TNR: variants seen among roughly 807,000 people sequenced by gnomAD.
TNR encodes tenascin-R.
TNR carries 45 observed loss-of-function variants against 150.4 expected under a neutral mutation model. The observed-to-expected ratio is 0.30, with a 90% CI of 0.24 to 0.38. The LOEUF is 0.38. TNR is among the 10% of genes least tolerant of loss of function. TNR has a pLI of 1.00. For missense variants in TNR, 1,544 were observed against 1,759.1 expected (o/e 0.88, Z 2.19); for synonymous variants, 687 against 678.4 (o/e 1.01, Z -0.20).
chr1:175,612,039 A>T (rs1663616409), intron 1 of TNR, among the ~76,000 whole-genome samples: 2 of 152,118 alleles, frequency 1.3e-5, no homozygotes, highest in African/African-American at 2.4e-5. Context: ...ACTGGAATAT[A>T]AGGATTTTAA....
intron 1 of TNR, among the ~76,000 whole-genome samples, chr1:175,656,837 G>T (rs1402732136): frequency 2.6e-5 from 4 of 152,002 alleles, no homozygotes; most frequent in African/African-American, 7.3e-5. Context: ...TTGTGTGTGT[G>T]GTGTGTGCAT....
intron 2 of TNR, among the ~76,000 whole-genome samples, chr1:175,410,870 GT>G (rs1654182047): frequency 6.6e-6 from 1 of 152,138 alleles, no homozygotes; most frequent in Non-Finnish European, 1.5e-5. Flanking sequence ...TAATCTTTTG[GT>G]GTTTGAAGCC....
intron 1 of TNR, among the ~76,000 whole-genome samples, chr1:175,559,296 A>G (rs978923818): frequency 1.3e-5 from 2 of 152,220 alleles, no homozygotes; most frequent in African/African-American, 4.8e-5. Context: ...TGTTAATTTT[A>G]TGCCATGTGA....
intron 2 of TNR, among the ~76,000 whole-genome samples, chr1:175,482,285 G>GCATTCTTT (rs1657844162): frequency 6.6e-6 from 1 of 152,172 alleles, no homozygotes. Flanking sequence ...TATGTCACAT[G>GCATTCTTT]GATACAGGAA....
At position 175,589,828 on chromosome 1, in the gene TNR, C is replaced by A. The variant is rs200141606; in HGVS notation, c.-164-61459G>T. On this transcript the variant is annotated intron_variant, in intron 1 of 22. Coordinates refer to ENST00000367674, the MANE Select transcript of TNR (RefSeq NM_003285.3). Reference sequence around the variant, plus strand: ...CACATGGACACAGGAAAGGGAACATCACACACCGGGGCCTGTCAGGGGGTT... The same window carrying A: ...CACATGGACACAGGAAAGGGAACATAACACACCGGGGCCTGTCAGGGGGTT... 7.2e-5 allele frequency among the ~76,000 whole-genome samples: 11 copies of A among 152,140 alleles called. No homozygotes were observed. In the East Asian group the frequency reaches 1.5e-3, roughly 21 times the overall value.
chr1:175,707,370 T>C (rs1443953922), intron 1 of TNR, among the ~76,000 whole-genome samples: 1 of 152,238 alleles, frequency 6.6e-6, no homozygotes, highest in Non-Finnish European at 1.5e-5. Context: ...TACTACAAAC[T>C]TCCATTTTTC....
rs145497047 is a variant in TNR at position 175,621,190 on chromosome 1, G to A, written c.-164-92821C>T. Among the ~76,000 whole-genome samples, 2 of 152,288 alleles carry A rather than the reference G, an allele frequency of 1.3e-5. 1 individual carries two copies. The highest frequency in any genetic ancestry group is 2.9e-5 in the Non-Finnish European group (2 of 68,022). ...TCAACATGTATTGTGACCAACTGAT[G>A]GGCATGATGTACTGTAATAGGACCC... On this transcript the variant is annotated intron_variant, in intron 1 of 22. Transcript: ENST00000367674.
chr1:175,695,985 T>TGTGGATGG (rs1553254673), intron 1 of TNR, among the ~76,000 whole-genome samples: 6 of 148,844 alleles, frequency 4.0e-5, no homozygotes, highest in African/African-American at 1.3e-4. Flanking sequence ...CAGATGGATA[T>TGTGGATGG]ATGGATGGAT....
At chr1:175,692,853 T>C (rs1666411573) in intron 1 of TNR, among the ~76,000 whole-genome samples, 1 of 152,144 alleles carries the variant, frequency 6.6e-6, no homozygotes, top group Non-Finnish European at 1.5e-5. Context: ...TGTGAACTGG[T>C]GAGGACGTAT....
chr1:175,664,313 C>T (rs1040505782), intron 1 of TNR, among the ~76,000 whole-genome samples: 8 of 152,184 alleles, frequency 5.3e-5, no homozygotes, highest in Non-Finnish European at 1.0e-4. Context: ...TCAGAAGGGG[C>T]AGAGTGGTAG....
chr1:175,633,115 C>T (rs1297930837), intron 1 of TNR, among the ~76,000 whole-genome samples: 4 of 152,198 alleles, frequency 2.6e-5, no homozygotes, highest in Non-Finnish European at 5.9e-5. Flanking sequence ...CCTGGCTCAA[C>T]TCCCCAAACT....
intron 1 of TNR, among the ~76,000 whole-genome samples, chr1:175,567,808 A>G (rs6693370): frequency 0.11 from 16,130 of 152,188 alleles, 879 homozygotes; most frequent in Middle Eastern, 0.14. Flanking sequence ...AATCTCTGAT[A>G]CTTTCATGTG....
intron 4 of TNR, among the ~76,000 whole-genome samples, chr1:175,397,108 G>T (rs372870754): frequency 1.3e-5 from 2 of 152,238 alleles, no homozygotes; most frequent in Admixed American, 1.3e-4. Flanking sequence ...CATTATTAAA[G>T]ATTCAATTTT....
At chr1:175,667,491 A>T (rs1665564425) in intron 1 of TNR, among the ~76,000 whole-genome samples, 1 of 152,236 alleles carries the variant, frequency 6.6e-6, no homozygotes, top group Non-Finnish European at 1.5e-5. Context: ...ATGTGCTGGG[A>T]ATTATGCCAT....
chr1:175,375,415 T>C lies in TNR; in HGVS notation c.1963+4137A>G, dbSNP rs115749276. On this transcript the variant is annotated intron_variant, in intron 9 of 22. Transcript: ENST00000367674. ...AAAGTCATTGCAGACATTGAGTCTG[T>C]TGTTCAGAAACAAATTCATATCCCA... 6.0e-3 allele frequency among the ~76,000 whole-genome samples: 910 copies of C among 152,212 alleles called. 3 individuals carry two copies. Among genetic ancestry groups the C allele is most frequent in the Non-Finnish European group, 9.6e-3 (651 of 67,998 alleles).
chr1:175,464,748 G>A (rs1017030813), intron 2 of TNR, among the ~76,000 whole-genome samples: 2 of 152,148 alleles, frequency 1.3e-5, no homozygotes, highest in African/African-American at 2.4e-5. Context: ...GAAAATGCTC[G>A]TTCTAATAGA....
chr1:175,480,801 A>T (rs193186941), intron 2 of TNR, among the ~76,000 whole-genome samples: 1 of 152,290 alleles, frequency 6.6e-6, no homozygotes, highest in East Asian at 1.9e-4. Context: ...CTTTTCTCCA[A>T]GTGCCTAATG....
intron 2 of TNR, among the ~76,000 whole-genome samples, chr1:175,465,851 C>A (rs895042822): frequency 6.6e-6 from 1 of 152,208 alleles, no homozygotes; most frequent in Non-Finnish European, 1.5e-5. Context: ...ATAAGCAGAC[C>A]TGCTGGTTAA....
intron 2 of TNR, among the ~76,000 whole-genome samples, chr1:175,438,208 G>T (rs972983993): frequency 3.9e-5 from 6 of 152,206 alleles, no homozygotes; most frequent in Admixed American, 2.0e-4. Flanking sequence ...TCCCTGGGAT[G>T]CAAGGCTGGT....
Sources: allele counts gnomAD v4.1 joint callset (sites outside exome capture counted in the v4.1 genomes callset), GRCh38; gene constraint gnomAD v4.1.1; transcripts MANE v1.5; gene names NCBI Gene and HGNC (gene_info 2026-07-23, HGNC 2026-07-21).